The following CCDC146 variants were observed in gnomAD, a reference collection of about 807,000 sequenced individuals.
CCDC146 encodes coiled-coil domain-containing protein 146.
A neutral mutation model predicts 119.3 loss-of-function variants in CCDC146; 92 were observed. The observed-to-expected ratio is 0.77, with a 90% CI of 0.65 to 0.92. The LOEUF is 0.92. CCDC146 is among the 40% of genes least tolerant of loss of function. CCDC146 has a pLI of 0.00. For synonymous variants in CCDC146, 372 were observed against 371.8 expected (o/e 1.00, Z -0.01); for missense variants, 1,000 against 1,103.0 (o/e 0.91, Z 1.32).
chr7:77,177,813 G>A (rs1374127301), intron 2 of CCDC146, among the ~76,000 whole-genome samples: 1 of 152,026 alleles, frequency 6.6e-6, no homozygotes, highest in Admixed American at 6.6e-5. Flanking sequence ...AGACATCCAG[G>A]CACCCTTGCA....
intron 1 of CCDC146, among the ~76,000 whole-genome samples, chr7:77,151,287 CA>C (rs2117445590): frequency 6.6e-6 from 1 of 152,116 alleles, no homozygotes; most frequent in South Asian, 2.1e-4. Flanking sequence ...AATATTGGGG[CA>C]GGGGACATAA....
chr7:77,168,354 G>GTTT lies in CCDC146; in HGVS notation c.156+541_156+543dup, dbSNP rs35319656. On this transcript the variant is annotated intron_variant, in intron 2 of 18. Coordinates refer to ENST00000285871, the MANE Select transcript of CCDC146 (RefSeq NM_020879.3). Reference sequence around the variant, plus strand: ...TAGGAAATACCCATATATGAGGAGAGTTTTTTTTTTTTTAAGTAATGGCTG... The same window carrying GTTT: ...TAGGAAATACCCATATATGAGGAGAGTTTTTTTTTTTTTTTTAAGTAATGGCTG... 8.7e-4 allele frequency among the ~76,000 whole-genome samples: 124 copies of GTTT among 142,994 alleles called. No individual in the cohort carries two copies. In the Middle Eastern group the frequency reaches 0.011, roughly 13 times the overall value. 93.8% of individuals were successfully genotyped at this position (142,994 alleles called of 152,430 possible). A position where few individuals can be genotyped will look rare whatever the true frequency, so the allele number is the denominator to read the frequency against.
intron 4 of CCDC146, among the ~76,000 whole-genome samples, chr7:77,247,381 ATAG>A (rs753014510): frequency 1.3e-5 from 2 of 152,248 alleles, no homozygotes; most frequent in Admixed American, 6.5e-5. Flanking sequence ...CAACCGAAAG[ATAG>A]TAGCACACTA....
At chr7:77,148,794 A>G (rs561031607) in intron 1 of CCDC146, among the ~76,000 whole-genome samples, 1,622 of 152,134 alleles carry the variant, frequency 0.011, 22 homozygotes, top group African/African-American at 0.037. Context: ...ACCTCTTCAT[A>G]GAGAACTACA....
intron 2 of CCDC146, among the ~76,000 whole-genome samples, chr7:77,191,583 C>A (rs1405891836): frequency 2.0e-5 from 3 of 152,128 alleles, no homozygotes; most frequent in Non-Finnish European, 4.4e-5. Context: ...AGGACCCCAC[C>A]TACTGTCATC....
intron 10 of CCDC146, among the ~76,000 whole-genome samples, chr7:77,274,243 A>G (rs189550257): frequency 2.0e-5 from 3 of 151,978 alleles, no homozygotes; most frequent in African/African-American, 4.8e-5. Context: ...TTTAATTTTT[A>G]TTTTTTTTAT....
intron 1 of CCDC146, among the ~76,000 whole-genome samples, chr7:77,157,847 T>A (rs1285288590): frequency 6.6e-6 from 1 of 152,208 alleles, no homozygotes; most frequent in African/African-American, 2.4e-5. Context: ...CTGTGATTTT[T>A]TGATTAACTT....
chr7:77,218,421 G>A (rs1207373869), intron 2 of CCDC146, among the ~76,000 whole-genome samples: 4 of 151,850 alleles, frequency 2.6e-5, no homozygotes, highest in African/African-American at 9.7e-5. Flanking sequence ...TAGTTGTCTT[G>A]GTATGTGTGC....
intron 2 of CCDC146, among the ~76,000 whole-genome samples, chr7:77,176,862 G>A (rs1456397080): frequency 6.6e-6 from 1 of 151,578 alleles, no homozygotes; most frequent in African/African-American, 2.4e-5. Flanking sequence ...TTGATATAAG[G>A]TCTGTCTCTG....
intron 2 of CCDC146, among the ~76,000 whole-genome samples, chr7:77,182,948 A>T (rs1382421788): frequency 6.6e-6 from 1 of 152,108 alleles, no homozygotes; most frequent in Non-Finnish European, 1.5e-5. Context: ...CTCTGTACAG[A>T]TAATTTGTGA....
chr7:77,286,787 T>C lies in CCDC146; in HGVS notation c.2149-11T>C. On this transcript the variant is annotated splice_polypyrimidine_tract_variant and intron_variant, in intron 15 of 18. Coordinates refer to ENST00000285871, the MANE Select transcript of CCDC146 (RefSeq NM_020879.3). ...GCGTTCATTTTAAAGTTAATGTTTT[T>C]TTCTTAATAGTTTTCACAGTGTACA... 3.7e-6 allele frequency: 6 copies of C among 1,611,714 alleles called. No individual in the cohort carries two copies. The highest frequency in any genetic ancestry group is 4.2e-6 in the Non-Finnish European group (5 of 1,178,968).
chr7:77,278,513 A>G (rs1037957121), intron 11 of CCDC146, among the ~76,000 whole-genome samples: 2 of 140,522 alleles, frequency 1.4e-5, no homozygotes, highest in African/African-American at 2.7e-5. Flanking sequence ...TGATGCAATC[A>G]TGGCTCACTG....
chr7:77,149,735 C>T (rs1317776643), intron 1 of CCDC146, among the ~76,000 whole-genome samples: 3 of 150,694 alleles, frequency 2.0e-5, no homozygotes, highest in African/African-American at 7.3e-5. Flanking sequence ...TCACTGCACT[C>T]CAGCCTGTGA....
At chr7:77,247,101 A>G (rs1228012540) in intron 4 of CCDC146, among the ~76,000 whole-genome samples, 2 of 152,204 alleles carry the variant, frequency 1.3e-5, no homozygotes, top group Admixed American at 1.3e-4. Flanking sequence ...ATAACAGGGA[A>G]AATAAAAATG....
intron 9 of CCDC146, among the ~76,000 whole-genome samples, chr7:77,273,146 T>C (rs1285201971): frequency 6.6e-6 from 1 of 152,178 alleles, no homozygotes; most frequent in Non-Finnish European, 1.5e-5. Context: ...CCTGCACCAT[T>C]GAGGCAAGTT....
At chr7:77,237,403 T>G (rs563753948) in intron 3 of CCDC146, among the ~76,000 whole-genome samples, 1 of 152,328 alleles carries the variant, frequency 6.6e-6, no homozygotes, top group African/African-American at 2.4e-5. Context: ...AGATTAGCTC[T>G]TGGCACTTCC....
At chr7:77,274,780 A>G (rs1002042834) in intron 11 of CCDC146, 128 bp downstream of exon 11, 5 of 686,060 alleles carry the variant, frequency 7.3e-6, no homozygotes, top group African/African-American at 3.6e-5. Flanking sequence ...TCGCAAGGAC[A>G]AAAAACCAAA....
intron 2 of CCDC146, among the ~76,000 whole-genome samples, chr7:77,229,780 A>G (rs1293927549): frequency 6.6e-6 from 1 of 151,994 alleles, no homozygotes; most frequent in Non-Finnish European, 1.5e-5. Flanking sequence ...CAGAAAATTG[A>G]TTTCTAATGT....
At chr7:77,182,283 G>T (rs1439437353) in intron 2 of CCDC146, among the ~76,000 whole-genome samples, 1 of 152,122 alleles carries the variant, frequency 6.6e-6, no homozygotes, top group Non-Finnish European at 1.5e-5. Context: ...GTAAAAATGG[G>T]TCTTAGGTCT....
Sources: allele counts gnomAD v4.1 joint callset (sites outside exome capture counted in the v4.1 genomes callset), GRCh38; gene constraint gnomAD v4.1.1; transcripts MANE v1.5; gene names NCBI Gene and HGNC (gene_info 2026-07-23, HGNC 2026-07-21).